CRADD: variants seen among roughly 807,000 people sequenced by gnomAD.
CRADD encodes the protein death domain-containing protein CRADD.
Under a neutral mutation model 15.5 loss-of-function variants are expected in CRADD, and 9 were observed. That is an observed-to-expected ratio of 0.58 (90% CI 0.35 to 1.01). The LOEUF is 1.01. CRADD is among the 50% of genes least tolerant of loss of function. The probability of loss-of-function intolerance (pLI) is 0.02; values close to 1 mark genes in which losing one functional copy is unlikely to be tolerated. For synonymous variants in CRADD, 118 were observed against 107.6 expected (o/e 1.10, Z -0.60); for missense variants, 227 against 250.3 (o/e 0.91, Z 0.63).
intron 2 of CRADD, among the ~76,000 whole-genome samples, chr12:93,891,246 T>A (rs2031659958): frequency 6.6e-6 from 1 of 151,578 alleles, no homozygotes; most frequent in African/African-American, 2.4e-5. Context: ...CCCAGCACTT[T>A]GGGAGGCCGA....
chr12:93,882,114 ACT>A (rs1034540640), intron 2 of CRADD, among the ~76,000 whole-genome samples: 1 of 149,928 alleles, frequency 6.7e-6, no homozygotes, highest in African/African-American at 2.5e-5. Flanking sequence ...ACAGAGTAAG[ACT>A]CTGTTTCAAA....
chr12:93,697,745 G>C (rs1258516996), intron 2 of CRADD, among the ~76,000 whole-genome samples: 1 of 152,094 alleles, frequency 6.6e-6, no homozygotes, highest in Non-Finnish European at 1.5e-5. Context: ...CCAAAGGACA[G>C]ATAAACAAGA....
intron 2 of CRADD, among the ~76,000 whole-genome samples, chr12:93,872,467 T>G (rs1294808169): frequency 6.6e-6 from 1 of 152,104 alleles, no homozygotes; most frequent in African/African-American, 2.4e-5. Context: ...TATTGCTCAA[T>G]AAATTTTTGC....
At chr12:93,775,018 G>A (rs1407062077) in intron 2 of CRADD, among the ~76,000 whole-genome samples, 2 of 152,196 alleles carry the variant, frequency 1.3e-5, no homozygotes, top group African/African-American at 2.4e-5. Flanking sequence ...ACTTGTGTTT[G>A]TGTAGTTGGT....
At chr12:93,807,865 A>G (rs1287534896) in intron 2 of CRADD, among the ~76,000 whole-genome samples, 1 of 151,534 alleles carries the variant, frequency 6.6e-6, no homozygotes, top group Non-Finnish European at 1.5e-5. Flanking sequence ...CTTGGTTTAC[A>G]TTGGAAAACA....
chr12:93,790,298 T>C (rs1266580460), intron 2 of CRADD, among the ~76,000 whole-genome samples: 1 of 151,932 alleles, frequency 6.6e-6, no homozygotes, highest in African/African-American at 2.4e-5. Context: ...AGAGATAAAC[T>C]TGAAACTCAA....
chr12:93,887,260 A>G (rs1462557905), intron 2 of CRADD, among the ~76,000 whole-genome samples: 1 of 152,256 alleles, frequency 6.6e-6, no homozygotes, highest in Non-Finnish European at 1.5e-5. Flanking sequence ...ATGATTAAAA[A>G]TGAAAAATCA....
chr12:93,744,783 A>G (rs1956727513), intron 2 of CRADD, among the ~76,000 whole-genome samples: 1 of 152,242 alleles, frequency 6.6e-6, no homozygotes, highest in African/African-American at 2.4e-5. Context: ...AATAAAAACA[A>G]TAAACATTCA....
At chr12:93,730,728 T>C (rs1956448536) in intron 2 of CRADD, among the ~76,000 whole-genome samples, 1 of 151,524 alleles carries the variant, frequency 6.6e-6, no homozygotes, top group African/African-American at 2.4e-5. Context: ...TTTTTTTTTT[T>C]TTTTTTTAAT....
At chr12:93,828,181 A>G (rs1385642742) in intron 2 of CRADD, among the ~76,000 whole-genome samples, 1 of 152,192 alleles carries the variant, frequency 6.6e-6, no homozygotes, top group Non-Finnish European at 1.5e-5. Context: ...AAGCTTTGAG[A>G]ATTATTTGTA....
intron 2 of CRADD, among the ~76,000 whole-genome samples, chr12:93,755,777 C>T (rs537110879): frequency 1.3e-5 from 2 of 152,230 alleles, no homozygotes; most frequent in South Asian, 4.1e-4. Flanking sequence ...CTCTCTGCCC[C>T]AGGTAACTTA....
At chr12:93,883,886 T>C (rs936522272) in intron 2 of CRADD, among the ~76,000 whole-genome samples, 3 of 152,064 alleles carry the variant, frequency 2.0e-5, no homozygotes, top group Non-Finnish European at 4.4e-5. Flanking sequence ...CAATGATTCA[T>C]ATAAAGACAA....
intron 2 of CRADD, among the ~76,000 whole-genome samples, chr12:93,689,657 A>G (rs970156887): frequency 3.9e-5 from 6 of 152,246 alleles, no homozygotes; most frequent in South Asian, 2.1e-4. Context: ...TCAGCACCAT[A>G]GCAGACAGGG....
At chr12:93,886,908 A>G (rs1361534843) in intron 2 of CRADD, among the ~76,000 whole-genome samples, 2 of 152,220 alleles carry the variant, frequency 1.3e-5, no homozygotes, top group Non-Finnish European at 2.9e-5. Flanking sequence ...AAGGACGCTA[A>G]TATTTATTCA....
chr12:93,876,652 A>G (rs1415938078), intron 2 of CRADD, among the ~76,000 whole-genome samples: 1 of 152,044 alleles, frequency 6.6e-6, no homozygotes, highest in African/African-American at 2.4e-5. Context: ...TCAGCTTCAG[A>G]ATTTTTGCTT....
downstream of CRADD, among the ~76,000 whole-genome samples, chr12:93,853,449 T>C (rs1344747419): frequency 6.6e-6 from 1 of 152,198 alleles, no homozygotes; most frequent in Non-Finnish European, 1.5e-5. Flanking sequence ...TTTTGTGGCA[T>C]GTTTGAAGAG....
intron 2 of CRADD, among the ~76,000 whole-genome samples, chr12:93,840,438 C>G (rs1216150313): frequency 6.6e-6 from 1 of 152,128 alleles, no homozygotes; most frequent in Non-Finnish European, 1.5e-5. Context: ...GCTCAGTCCT[C>G]TTACTCTAAT....
chr12:93,841,066 A>G (rs1469271685), intron 2 of CRADD, among the ~76,000 whole-genome samples: 1 of 152,078 alleles, frequency 6.6e-6, no homozygotes, highest in Non-Finnish European at 1.5e-5. Flanking sequence ...AACTTTATCA[A>G]ATTTTTTTCT....
intron 2 of CRADD, among the ~76,000 whole-genome samples, chr12:93,717,509 A>T (rs1042573990): frequency 6.6e-6 from 1 of 152,038 alleles, no homozygotes; most frequent in African/African-American, 2.4e-5. Flanking sequence ...TTTGTGTTTT[A>T]CATTTAGGTC....
Sources: gnomAD v4.1 joint callset for allele counts (sites outside exome capture counted in the v4.1 genomes callset) on GRCh38, gnomAD v4.1.1 for gene constraint, MANE v1.5 for transcripts, NCBI Gene and HGNC (gene_info 2026-07-23, HGNC 2026-07-21) for gene names.